PRUNE2: variants seen among roughly 807,000 people sequenced by gnomAD.
PRUNE2 encodes the protein prune homolog 2 with BCH domain.
Under a neutral mutation model 252.0 loss-of-function variants are expected in PRUNE2, and 164 were observed. That is an observed-to-expected ratio of 0.65 (90% CI 0.57 to 0.74). The LOEUF (loss-of-function observed/expected upper bound fraction) is 0.74, where lower values mean the gene tolerates loss of function less well. Ranked by LOEUF, PRUNE2 falls within the 30% of genes least tolerant of loss-of-function variation. The probability of loss-of-function intolerance (pLI) is 0.00; values close to 1 mark genes in which losing one functional copy is unlikely to be tolerated. For synonymous variants in PRUNE2, 1,292 were observed against 1,350.2 expected (o/e 0.96, Z 0.94); for missense variants, 3,495 against 3,711.0 (o/e 0.94, Z 1.51).
At chr9:76,628,554 G>A (rs971104005) in intron 16 of PRUNE2, among the ~76,000 whole-genome samples, 5 of 152,062 alleles carry the variant, frequency 3.3e-5, no homozygotes, top group Admixed American at 6.6e-5. Context: ...GTGCAGAGTG[G>A]GGGACACAAG....
intron 9 of PRUNE2, among the ~76,000 whole-genome samples, chr9:76,678,939 T>C (rs1194264821): frequency 1.3e-5 from 2 of 152,268 alleles, no homozygotes; most frequent in Non-Finnish European, 2.9e-5. Flanking sequence ...TACGGACAGC[T>C]AGGACTGCAT....
At chr9:76,739,615 G>A (rs966491500) in intron 6 of PRUNE2, 5 of 151,816 alleles carry the variant, frequency 3.3e-5, no homozygotes, top group Non-Finnish European at 1.5e-5. Context: ...GAAGCCTAGG[G>A]CAGCTCCCCT....
At chr9:76,630,052 C>G (rs1191802119) in intron 15 of PRUNE2, among the ~76,000 whole-genome samples, 1 of 152,112 alleles carries the variant, frequency 6.6e-6, no homozygotes, top group Non-Finnish European at 1.5e-5. Context: ...GGCATTCACA[C>G]TCTTGACCAT....
chr9:76,857,646 AT>A (rs1019994881), intron 1 of PRUNE2, among the ~76,000 whole-genome samples: 7 of 152,200 alleles, frequency 4.6e-5, no homozygotes, highest in Non-Finnish European at 8.8e-5. Flanking sequence ...AAAATTAGTC[AT>A]GTAGACTCAC....
chr9:76,668,988 C>T (rs772170330), intron 9 of PRUNE2, among the ~76,000 whole-genome samples: 7 of 151,236 alleles, frequency 4.6e-5, no homozygotes, highest in Non-Finnish European at 1.0e-4. Context: ...TCACAGTCAT[C>T]CCTCTGTGTG....
intron 1 of PRUNE2, among the ~76,000 whole-genome samples, chr9:76,897,028 C>A (rs1433737143): frequency 6.6e-6 from 1 of 152,208 alleles, no homozygotes; most frequent in Non-Finnish European, 1.5e-5. Context: ...AACAATCTCA[C>A]AATGTATTCA....
rs1198823073 is a variant in PRUNE2, at chr9:76,710,032, A to T, written c.2242T>A (p.Ser748Thr). The T allele has an allele frequency of 6.2e-7, 1 of 1,613,646 alleles. No homozygotes were observed. The highest frequency in any genetic ancestry group is 8.5e-7 in the Non-Finnish European group (1 of 1,179,842). Reference protein sequence around the residue: ...LPFQNLPMEKSPLPNTSPQGT... With the variant: ...LPFQNLPMEKTPLPNTSPQGT... ...TGGGGAGATGTATTTGGCAAAGGTGACTTCTCCATGGGCAGGTTCTGGAAC... is the reference window on the plus strand; with the variant it reads ...TGGGGAGATGTATTTGGCAAAGGTGTCTTCTCCATGGGCAGGTTCTGGAAC... Residue 748 changes from serine to threonine, a missense_variant, in exon 8 of 19, where the codon TCA (serine) becomes ACA (threonine). Physicochemically the swap from Ser to Thr is moderately conservative, Grantham distance 58 (BLOSUM62 1). Transcript: ENST00000376718.
At chr9:76,650,456 G>A (rs1450227415) in intron 11 of PRUNE2, among the ~76,000 whole-genome samples, 1 of 152,104 alleles carries the variant, frequency 6.6e-6, no homozygotes, top group Non-Finnish European at 1.5e-5. Context: ...ATGGTCGCGT[G>A]AGAAACCTAA....
In PRUNE2 at chr9:76,899,395, G is replaced by A. The variant is rs541978163; in HGVS notation, c.36+6533C>T. ...GTATTAAGTACTTACTGTGTATGAA[G>A]TACAATATGGTGCTCCTTGACTTTA... On this transcript the variant is annotated intron_variant, in intron 1 of 18. Coordinates refer to ENST00000376718, the MANE Select transcript of PRUNE2 (RefSeq NM_015225.3). Among the ~76,000 whole-genome samples the A allele has an allele frequency of 2.0e-5, 3 of 152,264 alleles. No homozygotes were observed. In the South Asian group the frequency reaches 6.2e-4, roughly 32 times the overall value.
intron 1 of PRUNE2, among the ~76,000 whole-genome samples, chr9:76,860,232 G>A (rs1230513150): frequency 6.6e-6 from 1 of 152,232 alleles, no homozygotes; most frequent in African/African-American, 2.4e-5. Context: ...GTTATCTGTA[G>A]GAGTAGTTGG....
intron 17 of PRUNE2, among the ~76,000 whole-genome samples, chr9:76,620,244 A>AT (rs1831624691): frequency 6.6e-6 from 1 of 150,738 alleles, no homozygotes; most frequent in Non-Finnish European, 1.5e-5. Flanking sequence ...GGTTCAAGCG[A>AT]TTCTCCTGCC....
intron 4 of PRUNE2, among the ~76,000 whole-genome samples, chr9:76,841,043 G>A (rs10781387): frequency 0.29 from 44,515 of 151,826 alleles, 8,336 homozygotes; most frequent in African/African-American, 0.54. Context: ...AACAGCTCCG[G>A]TCTGCAGCTC....
chr9:76,698,434 G>A (rs1458286378), intron 9 of PRUNE2, among the ~76,000 whole-genome samples: 2 of 152,156 alleles, frequency 1.3e-5, no homozygotes, highest in Non-Finnish European at 2.9e-5. Context: ...AATGAACACA[G>A]AGTCAGTGCT....
intron 6 of PRUNE2, among the ~76,000 whole-genome samples, chr9:76,726,687 G>A (rs761205473): frequency 3.3e-5 from 5 of 152,152 alleles, no homozygotes; most frequent in Admixed American, 2.6e-4. Flanking sequence ...AACAATCCAG[G>A]AAAAAGCAGT....
In PRUNE2 at chr9:76,837,441, AAAT is replaced by A. The variant is rs57793891; in HGVS notation, c.508+9071_508+9073del. On this transcript the variant is annotated intron_variant, in intron 4 of 18. Coordinates refer to ENST00000376718, the MANE Select transcript of PRUNE2 (RefSeq NM_015225.3). Reference sequence around the variant, plus strand: ...TGGCGACACAGTGAGACTCTGTCTCAAATAATAATAATAATAATAATAATAATA... The same window carrying A: ...TGGCGACACAGTGAGACTCTGTCTCAAATAATAATAATAATAATAATAATA... Among the ~76,000 whole-genome samples, 999 of 134,820 alleles carry A rather than the reference AAAT, an allele frequency of 7.4e-3. 12 individuals carry two copies. The highest frequency in any genetic ancestry group is 0.023 in the African/African-American group (872 of 37,168). The allele number at this position is 134,820 out of a possible 152,430, so 88.4% of individuals were successfully genotyped here.
At position 76,612,506 on chromosome 9, in the gene PRUNE2, T is replaced by C. The variant is rs1827748886; in HGVS notation, c.*2064A>G. On this transcript the variant is annotated 3_prime_UTR_variant, in exon 19 of 19. Coordinates refer to ENST00000376718, the MANE Select transcript of PRUNE2 (RefSeq NM_015225.3). ...GCAAATAGGTGAACAAACAGGAATA[T>C]TGGGTAACTGTATTTACGTCAACAC... 6.6e-6 allele frequency: 1 copy of C among 152,108 alleles called. No individual in the cohort carries two copies. The highest frequency in any genetic ancestry group is 1.5e-5 in the Non-Finnish European group (1 of 68,038). The allele number at this position is 152,108 out of a possible 1,614,324, so 9.4% of individuals were successfully genotyped here. A position where few individuals can be genotyped will look rare whatever the true frequency, so the allele number is the denominator to read the frequency against.
chr9:76,685,237 G>A (rs897096120), intron 9 of PRUNE2, among the ~76,000 whole-genome samples: 1 of 152,132 alleles, frequency 6.6e-6, no homozygotes, highest in African/African-American at 2.4e-5. Context: ...AAGATGCTGG[G>A]TTACACTTAG....
intron 11 of PRUNE2, among the ~76,000 whole-genome samples, chr9:76,647,488 C>T (rs1037796469): frequency 2.7e-4 from 40 of 150,072 alleles, no homozygotes; most frequent in African/African-American, 7.7e-4. Context: ...GATACAACAC[C>T]AAAGGCATGA....
intron 6 of PRUNE2, among the ~76,000 whole-genome samples, chr9:76,769,411 G>T (rs1270895186): frequency 6.6e-6 from 1 of 152,144 alleles, no homozygotes; most frequent in Non-Finnish European, 1.5e-5. Flanking sequence ...CATTAAGGTT[G>T]CTTTCCATTT....
Sources: gnomAD v4.1 joint callset for allele counts (sites outside exome capture counted in the v4.1 genomes callset) on GRCh38, gnomAD v4.1.1 for gene constraint, MANE v1.5 for transcripts, NCBI Gene and HGNC (gene_info 2026-07-23, HGNC 2026-07-21) for gene names.